The following TBK1 variants were observed in gnomAD, a reference collection of about 807,000 sequenced individuals.
TBK1 encodes TANK binding kinase 1.
TBK1 carries 37 observed loss-of-function variants against 99.9 expected under a neutral mutation model. The observed-to-expected ratio is 0.37, with a 90% confidence interval of 0.28 to 0.49. The LOEUF is 0.49. TBK1 is among the 20% of genes least tolerant of loss of function. The probability of loss-of-function intolerance (pLI) is 0.98; values close to 1 mark genes in which losing one functional copy is unlikely to be tolerated. For missense variants in TBK1, 644 were observed against 872.5 expected, an observed-to-expected ratio of 0.74 and a Z score of 3.30; for synonymous variants, 258 against 279.8, an observed-to-expected ratio of 0.92 and a Z score of 0.78.
rs944102294 is a variant in TBK1 at position 64,456,796 on chromosome 12, A to T, written c.87+839A>T. On this transcript the variant is annotated intron_variant, in intron 2 of 20. Coordinates refer to ENST00000331710, the MANE Select transcript of TBK1 (RefSeq NM_013254.4). ...GGCGGAGGCTGCAGTGAGCCAAGAT[A>T]GCACCACTGCACTCCAGCCTGGGTG... is the stretch of plus-strand genomic sequence containing the variant. 8.6e-5 allele frequency among the ~76,000 whole-genome samples: 13 copies of T among 151,546 alleles called. No individual in the cohort carries two copies. In the East Asian group the frequency reaches 1.8e-3, roughly 20 times the overall value.
intron 13 of TBK1, among the ~76,000 whole-genome samples, chr12:64,494,140 C>T (rs1182408780): frequency 1.3e-5 from 2 of 151,890 alleles, no homozygotes; most frequent in Non-Finnish European, 2.9e-5. Flanking sequence ...AGACATAAAG[C>T]ATAAAAACCG....
At chr12:64,490,774 T>G (rs1437085636) in intron 13 of TBK1, among the ~76,000 whole-genome samples, 1 of 151,866 alleles carries the variant, frequency 6.6e-6, no homozygotes. Context: ...CCCGTGTCAT[T>G]AGCTGCGTGT....
chr12:64,495,332 T>C, intron 13 of TBK1, 151 bp from the exon 14 acceptor site: 1 of 980,696 alleles, frequency 1.0e-6, no homozygotes, highest in Non-Finnish European at 1.5e-6. Flanking sequence ...CCTAAGAAAC[T>C]CTTTTGTATT....
intron 7 of TBK1, among the ~76,000 whole-genome samples, chr12:64,480,638 CA>C (rs1485960138): frequency 7.9e-5 from 12 of 151,852 alleles, no homozygotes; most frequent in Non-Finnish European, 1.5e-4. Flanking sequence ...AGACAGAAAT[CA>C]AAAAAATTAT....
At chr12:64,472,691 C>T (rs1197477223) in intron 5 of TBK1, among the ~76,000 whole-genome samples, 2 of 152,092 alleles carry the variant, frequency 1.3e-5, no homozygotes, top group Non-Finnish European at 2.9e-5. Flanking sequence ...TTTGGCTTCC[C>T]TGGGCTACAC....
intron 12 of TBK1, among the ~76,000 whole-genome samples, chr12:64,489,572 G>T (rs572925462): frequency 1.5e-3 from 217 of 148,642 alleles, no homozygotes; most frequent in African/African-American, 5.0e-3. Context: ...TTGTTTTTTT[G>T]GTTTTTTTTT....
chr12:64,492,571 G>A (rs963732139), intron 13 of TBK1, among the ~76,000 whole-genome samples: 1 of 152,188 alleles, frequency 6.6e-6, no homozygotes, highest in East Asian at 1.9e-4. Flanking sequence ...CTCCCAAAGT[G>A]CTGGGATTAC....
At position 64,484,310 on chromosome 12, in the gene TBK1, A is replaced by G. The variant is rs759007508; in HGVS notation, c.1000A>G (p.Ile334Val). The change falls in exon 9 of 21, where the codon ATA becomes GTA. Residue 334 changes from isoleucine (I) to valine (V), a missense_variant. Transcript: ENST00000331710. ...IYIHSYNTAT[I>V]FHELVYKQTK... ...TGAATTTTTCTCACACAGTGCTACT[A>G]TATTTCATGAACTGGTATATAAACA... 95 of 1,608,050 alleles carry G rather than the reference A, an allele frequency of 5.9e-5. No homozygotes were observed. Among genetic ancestry groups the G allele is most frequent in the Non-Finnish European group, 7.7e-5 (90 of 1,176,406 alleles).
chr12:64,498,445 TTAGG>T (rs1592377872), intron 20 of TBK1, among the ~76,000 whole-genome samples: 1 of 152,072 alleles, frequency 6.6e-6, no homozygotes, highest in Non-Finnish European at 1.5e-5. Flanking sequence ...CTTTGAGGAG[TTAGG>T]TGTCTGCTTA....
intron 20 of TBK1, among the ~76,000 whole-genome samples, chr12:64,499,909 G>A (rs111625422): frequency 3.3e-5 from 5 of 151,958 alleles, no homozygotes; most frequent in African/African-American, 9.7e-5. Context: ...TGTTGGCCAG[G>A]ATGGTCTCAA....
chr12:64,471,276 C>G (rs1253454802), intron 5 of TBK1, among the ~76,000 whole-genome samples: 1 of 151,296 alleles, frequency 6.6e-6, no homozygotes, highest in African/African-American at 2.4e-5. Context: ...TCAGGTGATT[C>G]TTATGTGCCA....
intron 1 of TBK1, among the ~76,000 whole-genome samples, chr12:64,454,065 T>G (rs2040458161): frequency 6.6e-6 from 1 of 152,230 alleles, no homozygotes; most frequent in African/African-American, 2.4e-5. Flanking sequence ...GTTTCTCTGC[T>G]CTGAAGGAAA....
intron 2 of TBK1, among the ~76,000 whole-genome samples, chr12:64,458,018 G>A (rs1421368168): frequency 2.6e-5 from 4 of 152,046 alleles, no homozygotes; most frequent in African/African-American, 9.7e-5. Context: ...GGCCAAGGCA[G>A]GTAGGTTGCT....
At chr12:64,496,135 A>G (rs117570362) in intron 15 of TBK1, among the ~76,000 whole-genome samples, 2 of 152,132 alleles carry the variant, frequency 1.3e-5, no homozygotes, top group African/African-American at 4.8e-5. Flanking sequence ...AGAAATACAG[A>G]ATTTGTTAGA....
At chr12:64,500,123 G>C (rs1192924385) in intron 20 of TBK1, among the ~76,000 whole-genome samples, 1 of 152,122 alleles carries the variant, frequency 6.6e-6, no homozygotes, top group African/African-American at 2.4e-5. Flanking sequence ...ACAATATATA[G>C]GTGATATAAC....
Position 64,481,956 on chromosome 12 carries a change from G to A in TBK1, c.927G>A (p.Met309Ile). 1 of 1,608,226 alleles carries A rather than the reference G, an allele frequency of 6.2e-7. No individual in the cohort carries two copies. The highest frequency in any genetic ancestry group is 8.5e-7 in the Non-Finnish European group (1 of 1,177,370). Residue 309 changes from methionine (M) to isoleucine (I), a missense_variant, in exon 8 of 21, where the codon ATG (methionine) becomes ATA (isoleucine). This residue lies in a region of TBK1 where 465 missense variants were observed against 588.0 expected (regional missense o/e 0.79). Coordinates refer to ENST00000331710, the MANE Select transcript of TBK1 (RefSeq NM_013254.4). Reference sequence around the variant, plus strand: ...AAACTAGTGATATACTTCACCGAATGGTAATTCATGTTTTTTCGCTACAAC... The same window carrying A: ...AAACTAGTGATATACTTCACCGAATAGTAATTCATGTTTTTTCGCTACAAC... ...FAETSDILHR[M>I]VIHVFSLQQM...
At position 64,501,442 on chromosome 12, in the gene TBK1, A is replaced by T; in HGVS notation, c.*61A>T. 6.7e-7 allele frequency: 1 copy of T among 1,492,118 alleles called. No homozygotes were observed. Among genetic ancestry groups the T allele is most frequent in the Non-Finnish European group, 9.3e-7 (1 of 1,075,398 alleles). The allele number at this position is 1,492,118 out of a possible 1,614,324, so 92.4% of individuals were successfully genotyped here. On this transcript the variant is annotated 3_prime_UTR_variant, in exon 21 of 21. Coordinates refer to ENST00000331710, the MANE Select transcript of TBK1 (RefSeq NM_013254.4). The stretch of plus-strand genomic sequence containing the variant: ...CACAAGAAAATAACGCTTGGGCATT[A>T]AATGAATGCCTTTATAGATAGTCAC...
intron 3 of TBK1, among the ~76,000 whole-genome samples, chr12:64,463,708 A>AG: frequency 6.6e-6 from 1 of 151,538 alleles, no homozygotes; most frequent in East Asian, 1.9e-4. Context: ...CAAAAAAAAA[A>AG]AAAAAGAAAG....
chr12:64,464,162 G>A (rs1459786382), intron 3 of TBK1, among the ~76,000 whole-genome samples, 172 bp from the exon 4 acceptor site: 1 of 152,016 alleles, frequency 6.6e-6, no homozygotes, highest in Non-Finnish European at 1.5e-5. Context: ...ACACCCGGCC[G>A]GAAGATATTA....
Sources: gnomAD v4.1 joint callset for allele counts (sites outside exome capture counted in the v4.1 genomes callset) on GRCh38, gnomAD v4.1.1 for gene constraint, gnomAD v4.1.1 regional missense constraint, MANE v1.5 for transcripts, NCBI Gene and HGNC (gene_info 2026-07-23, HGNC 2026-07-21) for gene names.